The following YIPF6 variants were observed in gnomAD, a reference collection of about 807,000 sequenced individuals.
YIPF6 encodes the protein Yip1 domain family member 6.
Under a neutral mutation model 16.8 loss-of-function variants are expected in YIPF6, and 3 were observed. That is an observed-to-expected ratio of 0.18 (90% CI 0.08 to 0.46). The LOEUF (loss-of-function observed/expected upper bound fraction) is 0.46, where lower values mean the gene tolerates loss of function less well. Ranked by LOEUF, YIPF6 falls within the 20% of genes least tolerant of loss-of-function variation. The pLI, the probability that YIPF6 is intolerant of heterozygous loss-of-function variation, is 0.98. For missense variants in YIPF6, 145 were observed against 184.9 expected (o/e 0.78, Z 1.25); for synonymous variants, 67 against 61.9 (o/e 1.08, Z -0.38).
At chrX:68,506,615 G>T (rs1331025162) in intron 1 of YIPF6, among the ~76,000 whole-genome samples, 1 of 111,048 alleles carries the variant, frequency 9.0e-6, no homozygotes, top group Non-Finnish European at 1.9e-5. Context: ...TGGGAGGATT[G>T]CTTGAGCCTG....
Position 68,534,160 on chromosome X carries a change from T to C in YIPF6, c.*2161T>C, listed in dbSNP as rs2099905628. The C allele has an allele frequency of 8.9e-6, 1 of 112,510 alleles. No individual in the cohort carries two copies. The highest frequency in any genetic ancestry group is 3.2e-5 in the African/African-American group (1 of 30,986). 9.3% of individuals were successfully genotyped at this position (112,510 alleles called of 1,213,427 possible). On this transcript the variant is annotated 3_prime_UTR_variant, in exon 7 of 7. Coordinates refer to ENST00000462683, the MANE Select transcript of YIPF6 (RefSeq NM_173834.4). ...CCCGAGAATACTCGCCAGTGGCGCTTGCAGTTGTAGCATTTACCCCAAGAT... is the reference window on the plus strand; with the variant it reads ...CCCGAGAATACTCGCCAGTGGCGCTCGCAGTTGTAGCATTTACCCCAAGAT...
intron 5 of YIPF6, 31 bp downstream of exon 5, chrX:68,521,528 C>T: frequency 2.5e-6 from 3 of 1,194,063 alleles, no homozygotes; most frequent in Non-Finnish European, 3.4e-6. Flanking sequence ...TTCTTTTTTT[C>T]CTCTTGCCAG....
At chrX:68,515,288 T>C (rs1388284457) in intron 3 of YIPF6, 2 of 101,661 alleles carry the variant, frequency 2.0e-5, no homozygotes, top group Non-Finnish European at 4.0e-5. Context: ...ATAGCGCCAC[T>C]GCAGTCCAGC....
intron 1 of YIPF6, among the ~76,000 whole-genome samples, chrX:68,501,632 C>T (rs529169919): frequency 1.8e-5 from 2 of 111,718 alleles, no homozygotes; most frequent in Non-Finnish European, 3.8e-5. Flanking sequence ...TGGATATATC[C>T]ATTCATATAT....
At position 68,532,704 on chromosome X, in the gene YIPF6, C is replaced by T. The variant is rs1328439918; in HGVS notation, c.*705C>T. The T allele has an allele frequency of 1.8e-5, 2 of 110,883 alleles. No homozygotes were observed. Among genetic ancestry groups the T allele is most frequent in the Non-Finnish European group, 3.8e-5 (2 of 53,021 alleles). The allele number at this position is 110,883 out of a possible 1,213,427, so 9.1% of individuals were successfully genotyped here. A position where few individuals can be genotyped will look rare whatever the true frequency, so the allele number is the denominator to read the frequency against. ...GTTTAACAGCATCTTGGTTGGCACT[C>T]TAGTCTTAATCTTGCTCCTTAACTT... On this transcript the variant is annotated 3_prime_UTR_variant, in exon 7 of 7. Coordinates refer to ENST00000462683, the MANE Select transcript of YIPF6 (RefSeq NM_173834.4).
At chrX:68,529,306 A>T (rs762318189) in intron 6 of YIPF6, among the ~76,000 whole-genome samples, 2 of 109,467 alleles carry the variant, frequency 1.8e-5, no homozygotes, top group Admixed American at 2.0e-4. Flanking sequence ...TGAAGTTCTC[A>T]TGCTGTGTTT....
chrX:68,516,780 G>A (rs1201474690), intron 3 of YIPF6, among the ~76,000 whole-genome samples: 1 of 111,765 alleles, frequency 8.9e-6, no homozygotes, highest in Non-Finnish European at 1.9e-5. Flanking sequence ...ATGTGCTACT[G>A]AACTGTTGGC....
rs754430248 is a variant in YIPF6, at chrX:68,532,159, C to G, written c.*160C>G. The G allele has an allele frequency of 5.4e-5, 22 of 407,578 alleles. No individual in the cohort carries two copies. Among genetic ancestry groups the G allele is most frequent in the Non-Finnish European group, 8.4e-5 (20 of 238,394 alleles). The allele number at this position is 407,578 out of a possible 1,213,427, so 33.6% of individuals were successfully genotyped here. A position where few individuals can be genotyped will look rare whatever the true frequency, so the allele number is the denominator to read the frequency against. ...AAGGGAGCCATATAGCACTGTCACC[C>G]CTTATTTGAGGAACTGATGTTTGAA... On this transcript the variant is annotated 3_prime_UTR_variant, in exon 7 of 7. Transcript: ENST00000462683.
At chrX:68,515,567 G>A (rs899756434) in intron 3 of YIPF6, among the ~76,000 whole-genome samples, 2 of 111,411 alleles carry the variant, frequency 1.8e-5, no homozygotes, top group Non-Finnish European at 3.8e-5. Context: ...CTATTGGAAG[G>A]TCTTCTGGGG....
intron 6 of YIPF6, among the ~76,000 whole-genome samples, chrX:68,529,285 T>G (rs891134061): frequency 5.5e-5 from 6 of 109,898 alleles, no homozygotes; most frequent in African/African-American, 2.0e-4. Context: ...TTGACACTTG[T>G]GTATGCTTCA....
chrX:68,503,237 A>G (rs1402235032), intron 1 of YIPF6, among the ~76,000 whole-genome samples: 2 of 112,007 alleles, frequency 1.8e-5, no homozygotes, highest in African/African-American at 3.2e-5. Context: ...GGTCAATAGT[A>G]TAACCCATTT....
Position 68,533,456 on chromosome X carries a change from T to A in YIPF6, c.*1457T>A, listed in dbSNP as rs1215390783. 1 of 111,930 alleles carries A rather than the reference T, an allele frequency of 8.9e-6. No individual in the cohort carries two copies. The highest frequency in any genetic ancestry group is 3.2e-5 in the African/African-American group (1 of 30,786). The allele number at this position is 111,930 out of a possible 1,213,427, so 9.2% of individuals were successfully genotyped here. A position where few individuals can be genotyped will look rare whatever the true frequency, so the allele number is the denominator to read the frequency against. On this transcript the variant is annotated 3_prime_UTR_variant, in exon 7 of 7. Transcript: ENST00000462683. ...GTTGATAAACATAGGACTTTCTTAT[T>A]CCCCAGTTTTTCTTTATCATATAAT... is the stretch of plus-strand genomic sequence containing the variant.
intron 1 of YIPF6, among the ~76,000 whole-genome samples, chrX:68,501,331 C>A (rs764142687): frequency 1.5e-4 from 17 of 112,385 alleles, no homozygotes; most frequent in South Asian, 3.6e-4. Flanking sequence ...GAAAGGACTT[C>A]AAAGGATGGG....
At chrX:68,527,487 C>G (rs187470098) in intron 6 of YIPF6, among the ~76,000 whole-genome samples, 1 of 111,306 alleles carries the variant, frequency 9.0e-6, no homozygotes, top group Non-Finnish European at 1.9e-5. Flanking sequence ...CTGCTCTGAT[C>G]TTAGTTATTT....
chrX:68,509,947 T>A (rs897053081), intron 1 of YIPF6, among the ~76,000 whole-genome samples: 4 of 111,765 alleles, frequency 3.6e-5, no homozygotes, highest in South Asian at 3.7e-4. Context: ...ACTTTAGCAA[T>A]TTATTTAAAA....
chrX:68,517,770 C>A (rs1484868996), intron 3 of YIPF6, among the ~76,000 whole-genome samples: 1 of 105,812 alleles, frequency 9.5e-6, no homozygotes, highest in African/African-American at 3.5e-5. Context: ...GAGTTTGAGA[C>A]CAGCCTGGGC....
In YIPF6 at chrX:68,535,404, A is replaced by G. The variant is rs923413662; in HGVS notation, c.*3405A>G. On this transcript the variant is annotated 3_prime_UTR_variant, in exon 7 of 7. Coordinates refer to ENST00000462683, the MANE Select transcript of YIPF6 (RefSeq NM_173834.4). ...CTGTCAGTTCAAGTTCTTGGGTAAC[A>G]TCAAGTCATTAGAATTTATCTAAAG... 8.9e-6 allele frequency: 1 copy of G among 112,287 alleles called. No individual in the cohort carries two copies. 9.3% of individuals were successfully genotyped at this position (112,287 alleles called of 1,213,427 possible).
chrX:68,520,165 A>G (rs2079120411), intron 4 of YIPF6, among the ~76,000 whole-genome samples: 1 of 112,618 alleles, frequency 8.9e-6, no homozygotes, highest in Non-Finnish European at 1.9e-5. Context: ...TATGCATATC[A>G]TAGAATACAA....
intron 1 of YIPF6, among the ~76,000 whole-genome samples, chrX:68,502,335 T>C (rs1381363301): frequency 9.0e-6 from 1 of 111,655 alleles, no homozygotes; most frequent in Non-Finnish European, 1.9e-5. Context: ...AAGGAGGATT[T>C]GTCTTAGATC....
Sources: allele counts gnomAD v4.1 joint callset (sites outside exome capture counted in the v4.1 genomes callset), GRCh38; gene constraint gnomAD v4.1.1; transcripts MANE v1.5; gene names NCBI Gene and HGNC (gene_info 2026-07-23, HGNC 2026-07-21).